SNTB2: variants seen among roughly 807,000 people sequenced by gnomAD.
SNTB2 encodes beta-2-syntrophin.
A neutral mutation model predicts 46.2 loss-of-function variants in SNTB2; 34 were observed. The observed-to-expected ratio is 0.74, with a 90% CI of 0.56 to 0.98. SNTB2 has a LOEUF of 0.98. Among genes scored for constraint, SNTB2 ranks in the 50% least tolerant of loss-of-function variants. The pLI, the probability that SNTB2 is intolerant of heterozygous loss-of-function variation, is 0.00. For missense variants in SNTB2, 603 were observed against 731.4 expected (o/e 0.82, Z 2.02); for synonymous variants, 290 against 312.6 (o/e 0.93, Z 0.76).
intron 1 of SNTB2, chr16:69,241,881 A>G (rs919509377): frequency 6.8e-6 from 1 of 146,628 alleles, no homozygotes; most frequent in Non-Finnish European, 1.5e-5. Context: ...GTGAGCTGAG[A>G]TCATGCCACT....
intron 1 of SNTB2, among the ~76,000 whole-genome samples, chr16:69,226,935 G>A (rs949338832): frequency 6.6e-6 from 1 of 152,160 alleles, no homozygotes; most frequent in Admixed American, 6.6e-5. Flanking sequence ...TTTATGGCAG[G>A]TTTGTTTTAA....
chr16:69,299,480 A>G (rs919192043), intron 5 of SNTB2, 110 bp from the exon 6 acceptor site: 13 of 1,070,466 alleles, frequency 1.2e-5, no homozygotes, highest in Non-Finnish European at 1.8e-5. Flanking sequence ...GTTAGGTATC[A>G]CACATTCTCA....
intron 1 of SNTB2, among the ~76,000 whole-genome samples, chr16:69,241,386 C>T (rs1964613031): frequency 6.7e-6 from 1 of 149,386 alleles, no homozygotes; most frequent in African/African-American, 2.5e-5. Flanking sequence ...CCATCTTGGC[C>T]AGACTGGTCT....
In SNTB2 at chr16:69,284,105, T is replaced by G; in HGVS notation, c.1206T>G (p.Phe402Leu). ...CCTCCCTTGGATCTGACCTTACATT[T>G]GCTACCAGGACAGGCTCTCGACAGG... ...RSPSLGSDLT[F>L]ATRTGSRQGI... Residue 402 changes from phenylalanine to leucine, a missense_variant, in exon 5 of 7, where the codon TTT (phenylalanine) becomes TTG (leucine). Transcript: ENST00000336278. The G allele has an allele frequency of 6.2e-7, 1 of 1,614,010 alleles. No homozygotes were observed. Among genetic ancestry groups the G allele is most frequent in the Non-Finnish European group, 8.5e-7 (1 of 1,179,984 alleles).
chr16:69,274,496 A>G (rs1023607323), intron 4 of SNTB2, among the ~76,000 whole-genome samples: 1 of 151,892 alleles, frequency 6.6e-6, no homozygotes, highest in Non-Finnish European at 1.5e-5. Flanking sequence ...TACTAAAACT[A>G]CAAAAAATTA....
chr16:69,198,742 T>A (rs1964130967), intron 1 of SNTB2, among the ~76,000 whole-genome samples: 1 of 152,134 alleles, frequency 6.6e-6, no homozygotes, highest in Non-Finnish European at 1.5e-5. Flanking sequence ...AAAAATAATT[T>A]CAGCATTATA....
chr16:69,279,409 C>G (rs1436048483), intron 4 of SNTB2, among the ~76,000 whole-genome samples: 1 of 151,084 alleles, frequency 6.6e-6, no homozygotes. Context: ...TTGCTTCCAT[C>G]TCTTGGCTGT....
intron 3 of SNTB2, among the ~76,000 whole-genome samples, chr16:69,266,364 A>AAAAAC (rs370954082): frequency 1.5e-4 from 23 of 152,184 alleles, no homozygotes; most frequent in Admixed American, 5.2e-4. Flanking sequence ...AGTCTATTGT[A>AAAAAC]AAAACAAAAC....
chr16:69,201,832 T>C (rs1482413563), intron 1 of SNTB2, among the ~76,000 whole-genome samples: 2 of 152,218 alleles, frequency 1.3e-5, no homozygotes, highest in African/African-American at 4.8e-5. Context: ...ATTATTATTT[T>C]TTTTGAGTGC....
At chr16:69,277,203 G>A (rs1293528489) in intron 4 of SNTB2, among the ~76,000 whole-genome samples, 1 of 152,204 alleles carries the variant, frequency 6.6e-6, no homozygotes, top group Non-Finnish European at 1.5e-5. Flanking sequence ...AACACTGATA[G>A]TATTTGTTGC....
chr16:69,280,610 C>T (rs1385513695), intron 4 of SNTB2, among the ~76,000 whole-genome samples: 5 of 151,756 alleles, frequency 3.3e-5, no homozygotes, highest in Non-Finnish European at 5.9e-5. Context: ...ACCTCCCTCC[C>T]GGACGGGGCG....
intron 1 of SNTB2, chr16:69,231,278 G>T (rs982921961): frequency 6.6e-6 from 1 of 152,008 alleles, no homozygotes; most frequent in South Asian, 2.1e-4. Flanking sequence ...AGTATAAAGC[G>T]TAGAATTGAC....
At chr16:69,245,578 C>T (rs1367795107) in intron 1 of SNTB2, 24 bp from the exon 2 acceptor site, 3 of 1,608,614 alleles carry the variant, frequency 1.9e-6, no homozygotes, top group South Asian at 2.2e-5. Flanking sequence ...TACTAACCTT[C>T]TTCTTTGATT....
chr16:69,295,230 ATTTTTTTTTTT>A (rs1160903028), intron 5 of SNTB2, among the ~76,000 whole-genome samples: 4 of 81,916 alleles, frequency 4.9e-5, no homozygotes, highest in Non-Finnish European at 9.0e-5. Flanking sequence ...AACATACTGA[ATTTTTTTTTTT>A]TTTTTTTTTT....
chr16:69,261,643 G>A (rs1597190835), intron 3 of SNTB2, among the ~76,000 whole-genome samples: 1 of 152,100 alleles, frequency 6.6e-6, no homozygotes, highest in African/African-American at 2.4e-5. Flanking sequence ...TAACATTTTA[G>A]TTGTGTTTAT....
intron 2 of SNTB2, among the ~76,000 whole-genome samples, chr16:69,259,689 C>T (rs1183513852): frequency 4.0e-5 from 6 of 150,852 alleles, no homozygotes; most frequent in East Asian, 1.9e-4. Flanking sequence ...CTGCAACCTC[C>T]GCCTCCTGGG....
At chr16:69,265,948 T>C (rs1039028069) in intron 3 of SNTB2, among the ~76,000 whole-genome samples, 2 of 152,116 alleles carry the variant, frequency 1.3e-5, no homozygotes, top group Admixed American at 6.5e-5. Flanking sequence ...ATCCCTTTTG[T>C]CTCTGGCCAG....
chr16:69,276,364 T>C (rs970020893), intron 4 of SNTB2, among the ~76,000 whole-genome samples: 1 of 152,236 alleles, frequency 6.6e-6, no homozygotes, highest in Non-Finnish European at 1.5e-5. Context: ...CAACCGCTGC[T>C]CAGCGAGAGT....
At chr16:69,248,217 CAT>C (rs974216037) in intron 2 of SNTB2, among the ~76,000 whole-genome samples, 2 of 152,162 alleles carry the variant, frequency 1.3e-5, no homozygotes, top group African/African-American at 2.4e-5. Flanking sequence ...AAGTTCAAGA[CAT>C]TGTAGAAATT....
Sources: allele counts gnomAD v4.1 joint callset (sites outside exome capture counted in the v4.1 genomes callset), GRCh38; gene constraint gnomAD v4.1.1; transcripts MANE v1.5; gene names NCBI Gene and HGNC (gene_info 2026-07-23, HGNC 2026-07-21).